The following ARHGAP20 variants were observed in gnomAD, a reference collection of about 807,000 sequenced individuals.
The protein encoded by ARHGAP20 is rho GTPase-activating protein 20.
A neutral mutation model predicts 73.7 loss-of-function variants in ARHGAP20; 34 were observed. That is an observed-to-expected ratio of 0.46 (90% confidence interval 0.35 to 0.61). The LOEUF (loss-of-function observed/expected upper bound fraction) is 0.61. ARHGAP20 is among the 20% of genes least tolerant of loss of function. The probability of loss-of-function intolerance (pLI) is 0.00; values close to 1 mark genes in which losing one functional copy is unlikely to be tolerated. For missense variants in ARHGAP20, 1,314 were observed against 1,420.9 expected (o/e 0.92, Z 1.21); for synonymous variants, 523 against 518.2 (o/e 1.01, Z -0.13).
intron 1 of ARHGAP20, among the ~76,000 whole-genome samples, chr11:110,701,783 T>G (rs1306497884): frequency 6.6e-6 from 1 of 152,060 alleles, no homozygotes; most frequent in Non-Finnish European, 1.5e-5. Flanking sequence ...AGAGATCCAG[T>G]TTCAGCTTTC....
intron 1 of ARHGAP20, among the ~76,000 whole-genome samples, chr11:110,694,692 C>G (rs1455514393): frequency 6.6e-6 from 1 of 151,408 alleles, no homozygotes. Context: ...TGTTTCTGAC[C>G]CCTTCTAGAG....
In ARHGAP20 at chr11:110,580,978, T is replaced by C; in HGVS notation, c.1968A>G (p.Glu656=). 1 of 1,614,190 alleles carries C rather than the reference T, an allele frequency of 6.2e-7. No individual in the cohort carries two copies. Residue 656 remains glutamate (E), a synonymous_variant, in exon 15 of 15, where the codon GAA becomes GAG. Transcript: ENST00000683387. Reference sequence around the variant, plus strand: ...ACACTAAAATGTTCACCGGCTTGGATTCAAGAGGCCGTTTCATTTGAACAT... The same window carrying C: ...ACACTAAAATGTTCACCGGCTTGGACTCAAGAGGCCGTTTCATTTGAACAT... ...DEDVQMKRPL[E]SKPVNILVYT... is the part of the protein sequence containing the mutation.
rs1379293470 is a variant in ARHGAP20, at chr11:110,580,448, G to T, written c.2498C>A (p.Ala833Glu). 1.2e-6 allele frequency: 2 copies of T among 1,614,202 alleles called. No homozygotes were observed. Among genetic ancestry groups the T allele is most frequent in the African/African-American group, 1.3e-5 (1 of 75,034 alleles). Residue 833 changes from alanine (A) to glutamate (E), a missense_variant, in exon 15 of 15, where the codon GCA becomes GAA. By Grantham distance (107) the Ala-to-Glu change is moderately radical. This residue lies in a region of ARHGAP20 where 641 missense variants were observed against 636.9 expected (regional missense o/e 1.01). Coordinates refer to ENST00000683387, the MANE Select transcript of ARHGAP20 (RefSeq NM_001384657.1). ...TGTCCTTGGACCCTTGAGGGCATCT[G>T]CTGTGTGTGGTGGGGAGTATCCAGA... ...NTSGYSPPHT[A>E]DALKGPRTHR...
intron 2 of ARHGAP20, among the ~76,000 whole-genome samples, chr11:110,640,507 A>G: frequency 6.6e-6 from 1 of 152,006 alleles, no homozygotes; most frequent in Non-Finnish European, 1.5e-5. Context: ...TCAAAACTCT[A>G]TCTTATTCAG....
intron 9 of ARHGAP20, among the ~76,000 whole-genome samples, chr11:110,600,402 A>C (rs1394156195): frequency 6.6e-6 from 1 of 152,218 alleles, no homozygotes; most frequent in East Asian, 1.9e-4. Flanking sequence ...GCAGCCTCAC[A>C]GACAGCCAGC....
chr11:110,675,658 T>C (rs887614726), intron 2 of ARHGAP20, among the ~76,000 whole-genome samples: 1 of 152,136 alleles, frequency 6.6e-6, no homozygotes. Flanking sequence ...AGGTAATACT[T>C]GCTTGCCTGC....
At chr11:110,603,247 C>T (rs1350760651) in intron 9 of ARHGAP20, among the ~76,000 whole-genome samples, 1 of 152,162 alleles carries the variant, frequency 6.6e-6, no homozygotes, top group Non-Finnish European at 1.5e-5. Context: ...TGGCTCAGCA[C>T]TGCTAGAGTT....
chr11:110,632,404 G>A (rs1043533785), intron 2 of ARHGAP20, among the ~76,000 whole-genome samples: 1 of 151,900 alleles, frequency 6.6e-6, no homozygotes, highest in African/African-American at 2.4e-5. Context: ...CTTTAATTAG[G>A]ATTTTTTTTT....
chr11:110,584,467 T>A (rs920548220), intron 12 of ARHGAP20, among the ~76,000 whole-genome samples: 1 of 151,970 alleles, frequency 6.6e-6, no homozygotes, highest in African/African-American at 2.4e-5. Flanking sequence ...AAGATGATAG[T>A]CTGACTGCTG....
intron 11 of ARHGAP20, chr11:110,589,423 T>C: frequency 1.0e-6 from 1 of 985,444 alleles, no homozygotes. Flanking sequence ...TGTAAGCACC[T>C]GGGCACTCAG....
At chr11:110,596,243 T>A (rs1157666558) in intron 9 of ARHGAP20, among the ~76,000 whole-genome samples, 1 of 149,910 alleles carries the variant, frequency 6.7e-6, no homozygotes, top group African/African-American at 2.5e-5. Flanking sequence ...GGCAAGGACT[T>A]CATGTCTAAA....
In ARHGAP20 at chr11:110,707,322, T is replaced by G. The variant is rs184186643; in HGVS notation, c.105+4805A>C. On this transcript the variant is annotated intron_variant, in intron 1 of 14. Coordinates refer to ENST00000683387, the MANE Select transcript of ARHGAP20 (RefSeq NM_001384657.1). The stretch of plus-strand genomic sequence containing the variant: ...ATGTGCTTCCACTTCATTAAAACTA[T>G]TCCGTGAAAATGTGGATATCCTCAA... Among the ~76,000 whole-genome samples, 14 of 152,264 alleles carry G rather than the reference T, an allele frequency of 9.2e-5. No individual in the cohort carries two copies. In the East Asian group the frequency reaches 2.3e-3, roughly 25 times the overall value.
intron 2 of ARHGAP20, among the ~76,000 whole-genome samples, chr11:110,641,559 A>T (rs1202468623): frequency 6.6e-6 from 1 of 152,072 alleles, no homozygotes. Context: ...AACTTCAAAG[A>T]GCCTCGTGAA....
intron 9 of ARHGAP20, among the ~76,000 whole-genome samples, chr11:110,598,904 G>C (rs1319222166): frequency 6.6e-6 from 1 of 152,128 alleles, no homozygotes; most frequent in Non-Finnish European, 1.5e-5. Flanking sequence ...GCCCTCCCGG[G>C]TGGAGGTGCA....
chr11:110,704,717 AC>A (rs1950521544), intron 1 of ARHGAP20, among the ~76,000 whole-genome samples: 1 of 152,102 alleles, frequency 6.6e-6, no homozygotes, highest in African/African-American at 2.4e-5. Context: ...GTTTCAGAAA[AC>A]TGTTGTAGTT....
In ARHGAP20 at chr11:110,666,011, G is replaced by A. The variant is rs575706948; in HGVS notation, c.188+24536C>T. 1.4e-3 allele frequency among the ~76,000 whole-genome samples: 214 copies of A among 151,554 alleles called. 2 individuals carry two copies. The highest frequency in any genetic ancestry group is 4.6e-3 in the African/African-American group (192 of 41,332). ...CACACACACGTATATATGCGTGTCC[G>A]TAGACACACATATATACACACACAT... On this transcript the variant is annotated intron_variant, in intron 2 of 14. Coordinates refer to ENST00000683387, the MANE Select transcript of ARHGAP20 (RefSeq NM_001384657.1).
chr11:110,696,116 C>T (rs1441724433), intron 1 of ARHGAP20, among the ~76,000 whole-genome samples: 5 of 151,446 alleles, frequency 3.3e-5, no homozygotes, highest in Non-Finnish European at 5.9e-5. Flanking sequence ...CCAGAACAAG[C>T]AAATCTATAG....
chr11:110,699,282 T>C (rs1460487320), intron 1 of ARHGAP20, among the ~76,000 whole-genome samples: 1 of 151,908 alleles, frequency 6.6e-6, no homozygotes, highest in Non-Finnish European at 1.5e-5. Flanking sequence ...CTTGATATGA[T>C]TTTGATTTTT....
chr11:110,648,744 A>G (rs551927750), intron 2 of ARHGAP20, among the ~76,000 whole-genome samples: 1 of 152,240 alleles, frequency 6.6e-6, no homozygotes, highest in East Asian at 1.9e-4. Context: ...AGGCCTCCCA[A>G]AGTGCTGGGA....
Sources: allele counts gnomAD v4.1 joint callset (sites outside exome capture counted in the v4.1 genomes callset), GRCh38; gene constraint gnomAD v4.1.1; regional missense constraint gnomAD v4.1.1; transcripts MANE v1.5; gene names NCBI Gene and HGNC (gene_info 2026-07-23, HGNC 2026-07-21).